The following ZBTB16 variants were observed in gnomAD, a reference collection of about 807,000 sequenced individuals.
The protein encoded by ZBTB16 is zinc finger and BTB domain containing 16.
Under a neutral mutation model 56.8 loss-of-function variants are expected in ZBTB16, and 8 were observed. The ratio of observed to expected loss-of-function variants is 0.14; its 90% CI spans 0.08 to 0.25. ZBTB16 has a LOEUF of 0.25. Among genes scored for constraint, ZBTB16 ranks in the 10% least tolerant of loss-of-function variants. The pLI is 1.00. For synonymous variants in ZBTB16, 363 were observed against 368.5 expected (o/e 0.98, Z 0.17); for missense variants, 625 against 903.0 (o/e 0.69, Z 3.95).
At chr11:114,144,800 C>G (rs1188478001) in intron 2 of ZBTB16, among the ~76,000 whole-genome samples, 1 of 152,234 alleles carries the variant, frequency 6.6e-6, no homozygotes, top group African/African-American at 2.4e-5. Context: ...TCACTGTTGA[C>G]CAAATCAAAG....
chr11:114,164,094 G>A (rs1942675347), intron 3 of ZBTB16, among the ~76,000 whole-genome samples: 1 of 152,182 alleles, frequency 6.6e-6, no homozygotes, highest in African/African-American at 2.4e-5. Flanking sequence ...TCTGGAGGCT[G>A]TTTGGAGTTT....
intron 2 of ZBTB16, among the ~76,000 whole-genome samples, chr11:114,144,457 CTTTG>C (rs1942045725): frequency 2.0e-5 from 3 of 152,194 alleles, no homozygotes; most frequent in African/African-American, 7.2e-5. Context: ...CTGTCCCAGC[CTTTG>C]TTTGTTTGTT....
chr11:114,150,298 C>T (rs1254683670), intron 2 of ZBTB16, among the ~76,000 whole-genome samples: 1 of 152,126 alleles, frequency 6.6e-6, no homozygotes, highest in Non-Finnish European at 1.5e-5. Flanking sequence ...AGAACAGGCT[C>T]TGTTTAGAGT....
intron 2 of ZBTB16, among the ~76,000 whole-genome samples, chr11:114,120,079 C>G (rs1006575138): frequency 2.0e-5 from 3 of 152,174 alleles, no homozygotes; most frequent in South Asian, 2.1e-4. Flanking sequence ...TGTCTGGAGG[C>G]AGTGGAATGA....
At chr11:114,127,016 G>A (rs890573629) in intron 2 of ZBTB16, among the ~76,000 whole-genome samples, 11 of 152,168 alleles carry the variant, frequency 7.2e-5, no homozygotes, top group Non-Finnish European at 1.5e-4. Flanking sequence ...TTGGAGCAGA[G>A]GTTAGGGAAT....
chr11:114,158,097 G>C (rs1338788313), intron 3 of ZBTB16, among the ~76,000 whole-genome samples: 1 of 152,008 alleles, frequency 6.6e-6, no homozygotes, highest in Non-Finnish European at 1.5e-5. Flanking sequence ...CGGGTTTCAT[G>C]AACTATCTGC....
intron 3 of ZBTB16, among the ~76,000 whole-genome samples, chr11:114,157,691 G>A (rs1224801508): frequency 6.6e-6 from 1 of 152,140 alleles, no homozygotes; most frequent in Non-Finnish European, 1.5e-5. Context: ...ATGTGGTTCC[G>A]CATTGTGTTG....
At chr11:114,234,069 C>T (rs1944512260) in intron 4 of ZBTB16, among the ~76,000 whole-genome samples, 1 of 152,210 alleles carries the variant, frequency 6.6e-6, no homozygotes, top group Non-Finnish European at 1.5e-5. Context: ...AATGAAGATG[C>T]TTTTGCTCCC....
At chr11:114,105,822 A>G (rs912199319) in intron 2 of ZBTB16, among the ~76,000 whole-genome samples, 12 of 152,222 alleles carry the variant, frequency 7.9e-5, no homozygotes, top group African/African-American at 2.9e-4. Flanking sequence ...ACATTTGGAC[A>G]GTAGTTCTGG....
chr11:114,239,174 T>C (rs1944652782), intron 4 of ZBTB16, among the ~76,000 whole-genome samples: 1 of 152,086 alleles, frequency 6.6e-6, no homozygotes, highest in Non-Finnish European at 1.5e-5. Context: ...CCTTGCTGGG[T>C]GTATTGACAC....
intron 2 of ZBTB16, among the ~76,000 whole-genome samples, chr11:114,113,073 CCCACACA>C (rs1941071358): frequency 6.6e-6 from 1 of 152,162 alleles, no homozygotes. Context: ...CTGCACCCAG[CCCACACA>C]CTTCATTTTT....
intron 3 of ZBTB16, among the ~76,000 whole-genome samples, chr11:114,162,366 G>A (rs1489073350): frequency 6.6e-6 from 1 of 152,206 alleles, no homozygotes; most frequent in Non-Finnish European, 1.5e-5. Flanking sequence ...AGAAGATGGG[G>A]GAAGAGAGGT....
intron 2 of ZBTB16, among the ~76,000 whole-genome samples, chr11:114,095,110 C>T (rs895583009): frequency 6.6e-6 from 1 of 152,174 alleles, no homozygotes; most frequent in Admixed American, 6.5e-5. Flanking sequence ...AAAAATAGCA[C>T]AAAGATGTAG....
At chr11:114,077,033 T>G (rs1158145767) in intron 2 of ZBTB16, among the ~76,000 whole-genome samples, 1 of 152,206 alleles carries the variant, frequency 6.6e-6, no homozygotes, top group African/African-American at 2.4e-5. Flanking sequence ...TATTTCTGTT[T>G]GCAGTTAATT....
chr11:114,122,868 T>A (rs1443383232), intron 2 of ZBTB16, among the ~76,000 whole-genome samples: 1 of 152,102 alleles, frequency 6.6e-6, no homozygotes, highest in African/African-American at 2.4e-5. Context: ...TTGTGGTGAG[T>A]GTTATTTATC....
At chr11:114,198,258 C>T (rs954544765) in intron 4 of ZBTB16, among the ~76,000 whole-genome samples, 6 of 152,176 alleles carry the variant, frequency 3.9e-5, no homozygotes, top group African/African-American at 9.7e-5. Context: ...GAAGAACGGC[C>T]GCGGAACGTC....
chr11:114,226,045 C>T (rs1051385508), intron 4 of ZBTB16, among the ~76,000 whole-genome samples: 2 of 152,102 alleles, frequency 1.3e-5, no homozygotes, highest in African/African-American at 4.8e-5. Flanking sequence ...ACTTCAACAC[C>T]GAGGCTCTTT....
intron 2 of ZBTB16, among the ~76,000 whole-genome samples, chr11:114,142,191 G>A (rs1287973231): frequency 6.6e-6 from 1 of 152,174 alleles, no homozygotes; most frequent in East Asian, 1.9e-4. Flanking sequence ...AGGTTCTTGT[G>A]GCAGCGGTGG....
At chr11:114,068,974 G>A (rs920904672) in intron 2 of ZBTB16, among the ~76,000 whole-genome samples, 1 of 152,184 alleles carries the variant, frequency 6.6e-6, no homozygotes, top group Non-Finnish European at 1.5e-5. Context: ...ATGTGTTTCT[G>A]AATTTAGTGC....
Sources: gnomAD v4.1 joint callset for allele counts (sites outside exome capture counted in the v4.1 genomes callset) on GRCh38, gnomAD v4.1.1 for gene constraint, MANE v1.5 for transcripts, NCBI Gene and HGNC (gene_info 2026-07-23, HGNC 2026-07-21) for gene names.